Variants in NR6A1 observed in about 807,000 individuals in gnomAD.
NR6A1 encodes the protein retinoic acid receptor-related testis-associated receptor.
NR6A1 carries 7 observed loss-of-function variants against 59.1 expected under a neutral mutation model. The observed-to-expected ratio is 0.12, with a 90% CI of 0.07 to 0.22. The LOEUF is 0.22. NR6A1 is among the 10% of genes least tolerant of loss of function. The pLI is 1.00. For synonymous variants in NR6A1, 243 were observed against 236.1 expected (o/e 1.03, Z -0.27); for missense variants, 468 against 611.6 (o/e 0.77, Z 2.48).
chr9:124,548,321 AAAAC>A (rs1344128584), intron 3 of NR6A1, among the ~76,000 whole-genome samples: 2 of 152,334 alleles, frequency 1.3e-5, no homozygotes, highest in African/African-American at 4.8e-5. Context: ...TCTTAATTTA[AAAAC>A]AAACAATCTT....
At chr9:124,670,214 T>C (rs1304609460) in intron 2 of NR6A1, among the ~76,000 whole-genome samples, 2 of 131,428 alleles carry the variant, frequency 1.5e-5, no homozygotes, top group East Asian at 2.1e-4. Context: ...ACCTCATCTC[T>C]GCAAAAAAAA....
At chr9:124,726,515 T>G (rs1011352028) in intron 2 of NR6A1, among the ~76,000 whole-genome samples, 22 of 152,190 alleles carry the variant, frequency 1.4e-4, no homozygotes, top group African/African-American at 4.8e-4. Context: ...AAAAGCTACA[T>G]CGGCCACATT....
At chr9:124,766,293 T>C (rs1004646131) in intron 1 of NR6A1, among the ~76,000 whole-genome samples, 1 of 152,250 alleles carries the variant, frequency 6.6e-6, no homozygotes, top group Admixed American at 6.5e-5. Flanking sequence ...AGGTTGATCT[T>C]AATGCAGAAG....
chr9:124,579,586 C>T (rs1213148078), intron 2 of NR6A1, among the ~76,000 whole-genome samples: 1 of 151,160 alleles, frequency 6.6e-6, no homozygotes, highest in Admixed American at 6.6e-5. Flanking sequence ...GTTAGAATGG[C>T]TAAAATTAAA....
intron 2 of NR6A1, among the ~76,000 whole-genome samples, chr9:124,614,432 T>C (rs968122480): frequency 6.6e-6 from 1 of 152,210 alleles, no homozygotes; most frequent in Non-Finnish European, 1.5e-5. Context: ...TTAGCATTTA[T>C]ATATCCCCCA....
At chr9:124,629,504 G>A (rs1208113358) in intron 2 of NR6A1, among the ~76,000 whole-genome samples, 2 of 152,188 alleles carry the variant, frequency 1.3e-5, no homozygotes, top group Non-Finnish European at 2.9e-5. Flanking sequence ...CATTTTACCA[G>A]TGAAGAAACT....
At chr9:124,691,821 C>T (rs986007717) in intron 2 of NR6A1, among the ~76,000 whole-genome samples, 6 of 152,164 alleles carry the variant, frequency 3.9e-5, no homozygotes, top group African/African-American at 1.4e-4. Context: ...CGAGGTTTTT[C>T]ATCTTCCCCT....
intron 9 of NR6A1, among the ~76,000 whole-genome samples, chr9:124,523,550 T>C (rs745325174): frequency 1.3e-5 from 2 of 151,970 alleles, no homozygotes; most frequent in South Asian, 2.1e-4. Flanking sequence ...TTCCAGGTGA[T>C]TGGAAGTGCC....
intron 2 of NR6A1, among the ~76,000 whole-genome samples, chr9:124,571,080 A>C (rs1834425209): frequency 6.6e-6 from 1 of 152,224 alleles, no homozygotes; most frequent in South Asian, 2.1e-4. Flanking sequence ...GTGGACACTG[A>C]AGAGTGAATG....
intron 1 of NR6A1, among the ~76,000 whole-genome samples, chr9:124,764,099 G>A (rs754037811): frequency 2.6e-5 from 4 of 151,396 alleles, no homozygotes; most frequent in African/African-American, 4.9e-5. Context: ...CAGGAGAATC[G>A]CTTGAACCCA....
At chr9:124,624,740 G>A (rs1181747887) in intron 2 of NR6A1, among the ~76,000 whole-genome samples, 3 of 152,184 alleles carry the variant, frequency 2.0e-5, no homozygotes, top group African/African-American at 7.2e-5. Flanking sequence ...GCTTGCCATT[G>A]GTGGAGGCTC....
intron 2 of NR6A1, among the ~76,000 whole-genome samples, chr9:124,558,852 A>C (rs1588665579): frequency 6.6e-6 from 1 of 152,094 alleles, no homozygotes; most frequent in Non-Finnish European, 1.5e-5. Flanking sequence ...CAACCAACCA[A>C]CCAAAAAAGC....
In NR6A1 at chr9:124,524,820, A is replaced by G; in HGVS notation, c.1255T>C (p.Trp419Arg). 1 of 1,613,904 alleles carries G rather than the reference A, an allele frequency of 6.2e-7. No individual in the cohort carries two copies. Among genetic ancestry groups the G allele is most frequent in the African/African-American group, 1.3e-5 (1 of 74,948 alleles). ...SQLEQLNKRYWYICQDFTEYK... is the reference protein window; with the variant it reads ...SQLEQLNKRYRYICQDFTEYK... Reference sequence around the variant, plus strand: ...TCAGTAAAATCCTGGCAAATGTACCAGTATCGTTTATTCAATTGTTCCAGC... The same window carrying G: ...TCAGTAAAATCCTGGCAAATGTACCGGTATCGTTTATTCAATTGTTCCAGC... Residue 419 changes from tryptophan to arginine, a missense_variant, in exon 9 of 10, where the codon TGG (tryptophan) becomes CGG (arginine). Coordinates refer to ENST00000487099, the MANE Select transcript of NR6A1 (RefSeq NM_033334.4).
chr9:124,678,800 T>C (rs1256954063), intron 2 of NR6A1, among the ~76,000 whole-genome samples: 3 of 152,210 alleles, frequency 2.0e-5, no homozygotes, highest in Non-Finnish European at 2.9e-5. Context: ...TGCTTTCATA[T>C]AGCCTAGTTA....
rs776712765 is a variant in NR6A1, at chr9:124,771,251, G to T, written c.-132C>A. On this transcript the variant is annotated 5_prime_UTR_variant, in exon 1 of 10. Transcript: ENST00000487099. Reference sequence around the variant, plus strand: ...AGCTCCCGGCCGCGGCTCTCTCTGGGCCCCGAGCCGCCCGGCTCCGCGCCG... The same window carrying T: ...AGCTCCCGGCCGCGGCTCTCTCTGGTCCCCGAGCCGCCCGGCTCCGCGCCG... 2.3e-6 allele frequency: 1 copy of T among 442,508 alleles called. No homozygotes were observed. The highest frequency in any genetic ancestry group is 3.6e-5 in the East Asian group (1 of 27,888). The allele number at this position is 442,508 out of a possible 1,614,324, so 27.4% of individuals were successfully genotyped here.
intron 4 of NR6A1, among the ~76,000 whole-genome samples, chr9:124,541,281 GAAAAA>G (rs1057459905): frequency 6.6e-6 from 1 of 150,978 alleles, no homozygotes; most frequent in African/African-American, 2.4e-5. Context: ...CTCAGGAACA[GAAAAA>G]AAACAAAACA....
chr9:124,741,220 G>C (rs1481284808), intron 1 of NR6A1, among the ~76,000 whole-genome samples: 1 of 152,216 alleles, frequency 6.6e-6, no homozygotes, highest in Non-Finnish European at 1.5e-5. Flanking sequence ...TGGTGGCTAT[G>C]AAACAGTGAA....
At chr9:124,660,648 CAA>C (rs753242760) in intron 2 of NR6A1, among the ~76,000 whole-genome samples, 24 of 92,806 alleles carry the variant, frequency 2.6e-4, no homozygotes, top group Non-Finnish European at 4.1e-4. Context: ...TCTGAGAATA[CAA>C]AAAAAAAAAA....
intron 2 of NR6A1, among the ~76,000 whole-genome samples, chr9:124,698,922 C>A (rs1304501201): frequency 6.6e-6 from 1 of 152,140 alleles, no homozygotes; most frequent in East Asian, 1.9e-4. Flanking sequence ...CAATCAAAAT[C>A]GTATGCCCTT....
Sources: gnomAD v4.1 joint callset for allele counts (sites outside exome capture counted in the v4.1 genomes callset) on GRCh38, gnomAD v4.1.1 for gene constraint, MANE v1.5 for transcripts, NCBI Gene and HGNC (gene_info 2026-07-23, HGNC 2026-07-21) for gene names.